Variants in ZFPM2 observed in about 807,000 individuals in gnomAD.
The protein encoded by ZFPM2 is zinc finger protein, FOG family member 2.
A neutral mutation model predicts 98.6 loss-of-function variants in ZFPM2; 20 were observed. That is an observed-to-expected ratio of 0.20 (90% CI 0.14 to 0.29). ZFPM2 has a LOEUF of 0.29. ZFPM2 is among the 10% of genes least tolerant of loss of function. The probability of loss-of-function intolerance (pLI) is 1.00; values close to 1 mark genes in which losing one functional copy is unlikely to be tolerated. For missense variants in ZFPM2, 1,310 were observed against 1,388.6 expected (o/e 0.94, Z 0.90); for synonymous variants, 518 against 502.7 (o/e 1.03, Z -0.41).
intron 3 of ZFPM2, among the ~76,000 whole-genome samples, chr8:105,517,843 T>C (rs1462516626): frequency 6.6e-6 from 1 of 151,576 alleles, no homozygotes; most frequent in Non-Finnish European, 1.5e-5. Flanking sequence ...GCCCAGGAGG[T>C]CCAGATTGCA....
intron 3 of ZFPM2, among the ~76,000 whole-genome samples, chr8:105,554,696 C>T (rs1054052958): frequency 5.3e-5 from 8 of 152,294 alleles, no homozygotes; most frequent in African/African-American, 1.9e-4. Context: ...CTTCTGTCAT[C>T]TCATTTACTT....
chr8:105,658,037 A>G (rs1390222422), intron 5 of ZFPM2, among the ~76,000 whole-genome samples: 1 of 152,158 alleles, frequency 6.6e-6, no homozygotes, highest in Non-Finnish European at 1.5e-5. Context: ...CCATTGTATG[A>G]CTATGCCATT....
intron 5 of ZFPM2, among the ~76,000 whole-genome samples, chr8:105,769,075 T>A (rs1341669567): frequency 2.0e-5 from 3 of 152,048 alleles, no homozygotes; most frequent in African/African-American, 7.2e-5. Context: ...GAAAACGTTT[T>A]AGCTCAGGTT....
intron 5 of ZFPM2, among the ~76,000 whole-genome samples, chr8:105,643,890 G>A (rs1210934863): frequency 6.6e-6 from 1 of 152,178 alleles, no homozygotes; most frequent in East Asian, 1.9e-4. Context: ...ATAATGCAGA[G>A]CCAAATCTGA....
intron 3 of ZFPM2, among the ~76,000 whole-genome samples, chr8:105,523,999 G>A (rs1814117283): frequency 1.3e-5 from 2 of 152,090 alleles, no homozygotes; most frequent in African/African-American, 4.8e-5. Flanking sequence ...AATCTGTTTT[G>A]TTCACTACAT....
chr8:105,612,434 G>A (rs531578449), intron 4 of ZFPM2, among the ~76,000 whole-genome samples: 1 of 152,120 alleles, frequency 6.6e-6, no homozygotes, highest in South Asian at 2.1e-4. Flanking sequence ...TCTCTGGTTT[G>A]AGAAACCCTG....
chr8:105,695,445 T>G (rs1159854165), intron 5 of ZFPM2, among the ~76,000 whole-genome samples: 3 of 151,584 alleles, frequency 2.0e-5, no homozygotes, highest in Non-Finnish European at 4.4e-5. Flanking sequence ...CTCATGCTTC[T>G]TTTTGTTTAA....
At chr8:105,531,831 C>T (rs1358533313) in intron 3 of ZFPM2, among the ~76,000 whole-genome samples, 1 of 152,020 alleles carries the variant, frequency 6.6e-6, no homozygotes, top group African/African-American at 2.4e-5. Flanking sequence ...AAAAATGAAA[C>T]AAAGAACTTT....
In ZFPM2 at chr8:105,743,675, T is replaced by G. The variant is rs572681053; in HGVS notation, c.533-45043T>G. On this transcript the variant is annotated intron_variant, in intron 5 of 7. Transcript: ENST00000407775. Reference sequence around the variant, plus strand: ...ACCAGTCATCTGGCCCCTTTGTGCCTATCATTCTTCAGTTCTGGTGCTTTG... The same window carrying G: ...ACCAGTCATCTGGCCCCTTTGTGCCGATCATTCTTCAGTTCTGGTGCTTTG... 7.9e-5 allele frequency among the ~76,000 whole-genome samples: 12 copies of G among 152,210 alleles called. No homozygotes were observed. In the South Asian group the frequency reaches 2.5e-3, roughly 32 times the overall value.
At chr8:105,503,409 T>A (rs1813635756) in intron 3 of ZFPM2, among the ~76,000 whole-genome samples, 2 of 152,180 alleles carry the variant, frequency 1.3e-5, no homozygotes, top group African/African-American at 4.8e-5. Context: ...TGGTGAGCAA[T>A]AATAAAATTT....
At chr8:105,433,005 C>T (rs1812049613) in intron 2 of ZFPM2, among the ~76,000 whole-genome samples, 1 of 151,906 alleles carries the variant, frequency 6.6e-6, no homozygotes, top group African/African-American at 2.4e-5. Context: ...GAGGCTGAGG[C>T]AGGAGGATTG....
At chr8:105,499,672 G>GC (rs1813549065) in intron 3 of ZFPM2, among the ~76,000 whole-genome samples, 1 of 93,584 alleles carries the variant, frequency 1.1e-5, no homozygotes, top group Non-Finnish European at 2.1e-5. Context: ...AATTGAATCT[G>GC]AAACACTCAT....
At chr8:105,667,012 A>G (rs1817501756) in intron 5 of ZFPM2, among the ~76,000 whole-genome samples, 2 of 152,220 alleles carry the variant, frequency 1.3e-5, no homozygotes, top group Non-Finnish European at 2.9e-5. Context: ...TGCCTGAGTT[A>G]AAAGTGGAAT....
intron 5 of ZFPM2, among the ~76,000 whole-genome samples, chr8:105,706,490 G>A (rs1811267090): frequency 6.6e-6 from 1 of 152,046 alleles, no homozygotes; most frequent in African/African-American, 2.4e-5. Flanking sequence ...ACTGTGATAT[G>A]GTATGTGTTC....
At position 105,802,437 on chromosome 8, in the gene ZFPM2, C is replaced by T. The variant is rs373483337; in HGVS notation, c.2355C>T (p.His785=). The T allele has an allele frequency of 1.9e-6, 3 of 1,613,650 alleles. No homozygotes were observed. In the African/African-American group the frequency reaches 4.0e-5, roughly 22 times the overall value. ...EPTEGLGECY[H]PRCDIFPGIV... is the part of the protein sequence containing the mutation. ...CAGAAGGGCTAGGAGAGTGCTACCACCCAAGATGTGATATCTTTCCAGGAA... is the reference window on the plus strand; with the variant it reads ...CAGAAGGGCTAGGAGAGTGCTACCATCCAAGATGTGATATCTTTCCAGGAA... The change falls in exon 8 of 8, where the codon CAC becomes CAT. Residue 785 remains histidine (H), a synonymous_variant. Coordinates refer to ENST00000407775, the MANE Select transcript of ZFPM2 (RefSeq NM_012082.4).
intron 5 of ZFPM2, among the ~76,000 whole-genome samples, chr8:105,731,101 T>C (rs1811925094): frequency 6.6e-6 from 1 of 151,770 alleles, no homozygotes; most frequent in African/African-American, 2.4e-5. Flanking sequence ...TACATGTGGA[T>C]TGCTGAAGTT....
chr8:105,417,870 T>C (rs567074317), intron 1 of ZFPM2, among the ~76,000 whole-genome samples: 21 of 152,262 alleles, frequency 1.4e-4, no homozygotes, highest in African/African-American at 5.1e-4. Context: ...TTTGCTCTTT[T>C]GAAAAAGGAA....
At chr8:105,324,252 A>C (rs982465424) in intron 1 of ZFPM2, among the ~76,000 whole-genome samples, 3 of 151,870 alleles carry the variant, frequency 2.0e-5, no homozygotes, top group African/African-American at 7.2e-5. Context: ...GTCATTGATT[A>C]TATCAATTGT....
At chr8:105,557,847 G>A (rs1586461520) in intron 3 of ZFPM2, among the ~76,000 whole-genome samples, 1 of 152,172 alleles carries the variant, frequency 6.6e-6, no homozygotes, top group African/African-American at 2.4e-5. Context: ...GTGGTTCGGG[G>A]ACTTAAGTCT....
Sources: allele counts gnomAD v4.1 joint callset (sites outside exome capture counted in the v4.1 genomes callset), GRCh38; gene constraint gnomAD v4.1.1; transcripts MANE v1.5; gene names NCBI Gene and HGNC (gene_info 2026-07-23, HGNC 2026-07-21).